The following CCDC102B variants were observed in gnomAD, a reference collection of about 807,000 sequenced individuals.
CCDC102B encodes the protein coiled-coil domain containing 102B.
In CCDC102B, 75 loss-of-function variants were observed where a neutral mutation model predicts 57.4. The ratio of observed to expected loss-of-function variants is 1.31; its 90% CI spans 1.08 to 1.58. The LOEUF (loss-of-function observed/expected upper bound fraction) is 1.58, where lower values mean the gene tolerates loss of function less well. CCDC102B is among the 40% of genes most tolerant of loss of function. The probability of loss-of-function intolerance (pLI) is 0.00; values close to 1 mark genes in which losing one functional copy is unlikely to be tolerated. For synonymous variants in CCDC102B, 206 were observed against 201.9 expected (o/e 1.02, Z -0.17); for missense variants, 636 against 582.6 (o/e 1.09, Z -0.94).
At position 68,832,198 on chromosome 18, in the gene CCDC102B, C is replaced by T. The variant is rs563174955; in HGVS notation, c.-15-4551C>T. ...TAAGACAAAAATCTTTTTAATGTCT[C>T]TTTTATCCTGCCATGGAAGTTTAAC... is the stretch of plus-strand genomic sequence containing the variant. On this transcript the variant is annotated intron_variant, in intron 1 of 7. Transcript: ENST00000360242. Among the ~76,000 whole-genome samples the T allele has an allele frequency of 2.0e-5, 3 of 152,190 alleles. No individual in the cohort carries two copies. In the East Asian group the frequency reaches 5.8e-4, roughly 29 times the overall value.
intron 6 of CCDC102B, among the ~76,000 whole-genome samples, chr18:68,989,775 C>T (rs1418466084): frequency 6.6e-6 from 1 of 152,186 alleles, no homozygotes; most frequent in Non-Finnish European, 1.5e-5. Flanking sequence ...GCTACTGTTT[C>T]GGTCGTGGGT....
At chr18:68,741,698 CACACACACACACACA>C (rs2033392949) in intron 2 of CCDC102B, among the ~76,000 whole-genome samples, 1 of 125,982 alleles carries the variant, frequency 7.9e-6, no homozygotes, top group Admixed American at 7.9e-5. Flanking sequence ...CACACACACA[CACACACACACACACA>C]CCCCAAGACA....
intron 7 of CCDC102B, among the ~76,000 whole-genome samples, chr18:69,031,600 A>G (rs1193083449): frequency 6.6e-6 from 1 of 152,090 alleles, no homozygotes; most frequent in Non-Finnish European, 1.5e-5. Flanking sequence ...GGCTTTAAAT[A>G]TTACATTTGT....
chr18:68,995,544 A>G (rs574992766), intron 6 of CCDC102B, among the ~76,000 whole-genome samples: 1 of 152,238 alleles, frequency 6.6e-6, no homozygotes, highest in Non-Finnish European at 1.5e-5. Context: ...GAGAGGGTAC[A>G]GGCCCCAAGA....
intron 6 of CCDC102B, among the ~76,000 whole-genome samples, chr18:68,945,128 A>T (rs2049500925): frequency 6.6e-6 from 1 of 150,968 alleles, no homozygotes; most frequent in Non-Finnish European, 1.5e-5. Flanking sequence ...CTCTCCACAC[A>T]CACACACACA....
chr18:68,878,569 G>T (rs1440193554), intron 5 of CCDC102B, among the ~76,000 whole-genome samples: 1 of 152,104 alleles, frequency 6.6e-6, no homozygotes, highest in Non-Finnish European at 1.5e-5. Context: ...TTAAAAAAGA[G>T]ACCCCAGAGA....
At chr18:68,987,900 C>T (rs188509999) in intron 6 of CCDC102B, among the ~76,000 whole-genome samples, 1 of 151,996 alleles carries the variant, frequency 6.6e-6, no homozygotes. Context: ...AAATAACCTG[C>T]TCTTGAGGCT....
chr18:68,888,492 T>C (rs2039966200), intron 5 of CCDC102B, among the ~76,000 whole-genome samples: 1 of 152,214 alleles, frequency 6.6e-6, no homozygotes, highest in Non-Finnish European at 1.5e-5. Context: ...ATTGACATGT[T>C]GTGGGGTGCC....
chr18:68,813,219 G>C (rs768873528), intron 1 of CCDC102B, among the ~76,000 whole-genome samples: 1 of 151,752 alleles, frequency 6.6e-6, no homozygotes, highest in East Asian at 1.9e-4. Flanking sequence ...CTCCTGTTTC[G>C]CCATAATAAG....
intron 2 of CCDC102B, among the ~76,000 whole-genome samples, chr18:68,771,421 C>G (rs2034633114): frequency 1.3e-5 from 2 of 152,148 alleles, no homozygotes; most frequent in African/African-American, 4.8e-5. Flanking sequence ...CGTAGTGTGT[C>G]AGGGTGCAAA....
intron 6 of CCDC102B, among the ~76,000 whole-genome samples, chr18:68,939,090 C>A (rs1234764133): frequency 3.3e-5 from 5 of 151,652 alleles, no homozygotes; most frequent in Admixed American, 2.6e-4. Flanking sequence ...TAAGAGATAA[C>A]CTATCAATTA....
intron 6 of CCDC102B, among the ~76,000 whole-genome samples, chr18:68,970,055 A>G (rs2050262302): frequency 6.6e-6 from 1 of 152,086 alleles, no homozygotes; most frequent in Non-Finnish European, 1.5e-5. Context: ...ATTGAATTTG[A>G]GAATAAGAAA....
At chr18:68,773,811 T>G (rs941737390) in intron 2 of CCDC102B, among the ~76,000 whole-genome samples, 2 of 151,980 alleles carry the variant, frequency 1.3e-5, no homozygotes, top group South Asian at 2.1e-4. Context: ...AACACCCAAA[T>G]GGTATGACTG....
At chr18:68,979,053 C>T (rs2050509695) in intron 6 of CCDC102B, among the ~76,000 whole-genome samples, 2 of 151,972 alleles carry the variant, frequency 1.3e-5, no homozygotes, top group South Asian at 4.1e-4. Flanking sequence ...AGACTAGTGA[C>T]CACTGTGGTG....
At position 68,835,419 on chromosome 18, in the gene CCDC102B, TA is replaced by T. The variant is rs377110185; in HGVS notation, c.-15-1329del. On this transcript the variant is annotated intron_variant, in intron 1 of 7. Transcript: ENST00000360242. ...AATAAAGTTATTGAACAAATGCACA[TA>T]TTTGTTATAATGTGAATTATGTATC... Among the ~76,000 whole-genome samples the T allele has an allele frequency of 6.1e-3, 929 of 152,332 alleles. 11 individuals carry two copies. The highest frequency in any genetic ancestry group is 0.021 in the African/African-American group (883 of 41,580).
chr18:68,895,146 A>G (rs528566831), intron 5 of CCDC102B, among the ~76,000 whole-genome samples: 1 of 152,014 alleles, frequency 6.6e-6, no homozygotes, highest in African/African-American at 2.4e-5. Context: ...GGCAGGTACT[A>G]AATTAAATTG....
At chr18:68,723,384 G>T (rs544554286) in intron 2 of CCDC102B, among the ~76,000 whole-genome samples, 3 of 151,950 alleles carry the variant, frequency 2.0e-5, no homozygotes, top group Non-Finnish European at 4.4e-5. Context: ...AGCCCCCTAC[G>T]TCAGCTCATT....
intron 2 of CCDC102B, among the ~76,000 whole-genome samples, chr18:68,755,247 A>G (rs562901428): frequency 2.2e-4 from 33 of 152,282 alleles, no homozygotes; most frequent in African/African-American, 7.5e-4. Context: ...AACCTCTCCA[A>G]GTCTTTATTG....
rs544751614 is a variant in CCDC102B at position 68,905,815 on chromosome 18, A to C, written c.1263+8387A>C. 7.0e-5 allele frequency among the ~76,000 whole-genome samples: 7 copies of C among 99,812 alleles called. No individual in the cohort carries two copies. In the East Asian group the frequency reaches 1.1e-3, roughly 16 times the overall value. 65.5% of individuals were successfully genotyped at this position (99,812 alleles called of 152,430 possible). On this transcript the variant is annotated intron_variant, in intron 6 of 7. Coordinates refer to ENST00000360242, the MANE Select transcript of CCDC102B (RefSeq NM_024781.3). ...TTTTTTTTTTTTTTTTTTTTTTGAGACAGAGTCTAGCTCTGTCACCCAGGC... is the reference window on the plus strand; with the variant it reads ...TTTTTTTTTTTTTTTTTTTTTTGAGCCAGAGTCTAGCTCTGTCACCCAGGC...
Sources: allele counts gnomAD v4.1 joint callset (sites outside exome capture counted in the v4.1 genomes callset), GRCh38; gene constraint gnomAD v4.1.1; transcripts MANE v1.5; gene names NCBI Gene and HGNC (gene_info 2026-07-23, HGNC 2026-07-21).